Variants in DNAAF9 observed in about 807,000 individuals in gnomAD.
DNAAF9 encodes the protein dynein axonemal assembly factor 9.
Under a neutral mutation model 167.0 loss-of-function variants are expected in DNAAF9, and 90 were observed. That is an observed-to-expected ratio of 0.54 (90% CI 0.45 to 0.64). The LOEUF (loss-of-function observed/expected upper bound fraction) is 0.64. DNAAF9 is among the 30% of genes least tolerant of loss of function. The pLI is 0.00. For synonymous variants in DNAAF9, 491 were observed against 508.8 expected, an observed-to-expected ratio of 0.96 and a Z score of 0.47; for missense variants, 1,315 against 1,442.2, an observed-to-expected ratio of 0.91 and a Z score of 1.43.
chr20:3,299,082 T>C (rs1321600712), intron 21 of DNAAF9, among the ~76,000 whole-genome samples: 1 of 151,282 alleles, frequency 6.6e-6, no homozygotes, highest in African/African-American at 2.4e-5. Flanking sequence ...CTAATGCTTA[T>C]ATTTTCAGTA....
At chr20:3,279,199 G>A (rs2068725570) in intron 28 of DNAAF9, among the ~76,000 whole-genome samples, 1 of 152,118 alleles carries the variant, frequency 6.6e-6, no homozygotes, top group South Asian at 2.1e-4. Flanking sequence ...GGGATACTGG[G>A]GACAGGACCA....
chr20:3,358,853 TGA>T (rs2083323592), intron 7 of DNAAF9, among the ~76,000 whole-genome samples: 1 of 152,208 alleles, frequency 6.6e-6, no homozygotes, highest in African/African-American at 2.4e-5. Flanking sequence ...CTATGGCCAC[TGA>T]GAGACACCAC....
chr20:3,253,333 C>T (rs1012756486), intron 36 of DNAAF9, among the ~76,000 whole-genome samples: 3 of 152,064 alleles, frequency 2.0e-5, no homozygotes, highest in Admixed American at 6.6e-5. Context: ...CCCAGCTACT[C>T]GGGAGGCTGA....
chr20:3,271,472 T>C (rs928775620), intron 29 of DNAAF9, among the ~76,000 whole-genome samples: 4 of 152,138 alleles, frequency 2.6e-5, no homozygotes, highest in Non-Finnish European at 5.9e-5. Context: ...CACAGAGAAT[T>C]TGGAGATCAG....
intron 6 of DNAAF9, among the ~76,000 whole-genome samples, chr20:3,371,382 G>C (rs1320924746): frequency 1.3e-4 from 15 of 114,666 alleles, no homozygotes; most frequent in East Asian, 5.6e-4. Context: ...CTCGCTCTGT[G>C]GCCCAGGCTG....
In DNAAF9 at chr20:3,340,536, T is replaced by A. The variant is rs201560531; in HGVS notation, c.949A>T (p.Thr317Ser). ...TTGGCAAAGCTCCCGCCGGGACCAG[T>A]GCTTCGTACCAGATGTCCTTCAGAA... ...FPSEGHLVRS[T>S]GPGGSFAKHM... Residue 317 changes from threonine to serine, a missense_variant, in exon 10 of 37, where the codon ACT (threonine) becomes TCT (serine). Around this residue, in one of 2 missense-constraint regions of DNAAF9, gnomAD observed 981 missense variants for 1,012.5 expected, o/e 0.97. Coordinates refer to ENST00000252032, the MANE Select transcript of DNAAF9 (RefSeq NM_001009984.3). The A allele has an allele frequency of 6.4e-7, 1 of 1,567,480 alleles. No homozygotes were observed. Among genetic ancestry groups the A allele is most frequent in the African/African-American group, 1.4e-5 (1 of 72,324 alleles).
intron 1 of DNAAF9, among the ~76,000 whole-genome samples, chr20:3,383,428 C>G (rs565194032): frequency 6.6e-6 from 1 of 151,886 alleles, no homozygotes; most frequent in African/African-American, 2.4e-5. Flanking sequence ...GCCACCACGC[C>G]CGGCTAATTT....
chr20:3,301,778 C>T (rs2069193852), intron 21 of DNAAF9, among the ~76,000 whole-genome samples: 1 of 152,066 alleles, frequency 6.6e-6, no homozygotes, highest in Non-Finnish European at 1.5e-5. Flanking sequence ...TGTTAAGTAG[C>T]CTCATGTCCT....
At chr20:3,387,464 A>G (rs1407426040) in intron 1 of DNAAF9, among the ~76,000 whole-genome samples, 1 of 152,180 alleles carries the variant, frequency 6.6e-6, no homozygotes. Context: ...GTTGGACCTC[A>G]CCGTACACCA....
chr20:3,371,072 G>T (rs2083500839), intron 6 of DNAAF9, among the ~76,000 whole-genome samples: 1 of 151,134 alleles, frequency 6.6e-6, no homozygotes, highest in African/African-American at 2.4e-5. Flanking sequence ...TAATCTACTT[G>T]GCCCCTTCCT....
intron 14 of DNAAF9, among the ~76,000 whole-genome samples, chr20:3,324,605 T>C (rs894596554): frequency 2.0e-5 from 3 of 152,222 alleles, no homozygotes; most frequent in African/African-American, 7.2e-5. Flanking sequence ...CAGCTTTGCC[T>C]TTCTAGCCTT....
intron 29 of DNAAF9, among the ~76,000 whole-genome samples, chr20:3,277,888 C>T (rs2068699360): frequency 6.6e-6 from 1 of 152,212 alleles, no homozygotes; most frequent in Non-Finnish European, 1.5e-5. Context: ...AAGACAACAA[C>T]TCTGGTATGC....
chr20:3,292,880 C>T (rs2068987697), intron 25 of DNAAF9, among the ~76,000 whole-genome samples: 2 of 151,748 alleles, frequency 1.3e-5, no homozygotes, highest in Non-Finnish European at 1.5e-5. Flanking sequence ...AGGTCAGGAG[C>T]TTGAGACCAT....
At chr20:3,291,765 G>A (rs1451980316) in intron 25 of DNAAF9, among the ~76,000 whole-genome samples, 3 of 152,098 alleles carry the variant, frequency 2.0e-5, no homozygotes, top group Non-Finnish European at 2.9e-5. Flanking sequence ...CAGAGAAGAC[G>A]GCCGTAAATC....
intron 3 of DNAAF9, 143 bp downstream of exon 3, chr20:3,381,227 AAATGCCGTT>A: frequency 1.8e-6 from 1 of 562,368 alleles, no homozygotes; most frequent in Non-Finnish European, 2.9e-6. Flanking sequence ...AGCAAAGAAA[AAATGCCGTT>A]TTTTTCATTC....
At chr20:3,397,710 G>C (rs1259681713) in intron 1 of DNAAF9, among the ~76,000 whole-genome samples, 1 of 64,168 alleles carries the variant, frequency 1.6e-5, no homozygotes, top group East Asian at 4.5e-4. Context: ...ATTTTAAGCA[G>C]ATTTTTTTTG....
At chr20:3,322,318 T>C in intron 15 of DNAAF9, 56 bp from the exon 16 acceptor site, 2 of 1,342,320 alleles carry the variant, frequency 1.5e-6, no homozygotes, top group African/African-American at 2.9e-5. Context: ...TGTACTTAAA[T>C]TTACAGTGTT....
At chr20:3,304,209 GC>G (rs2069246641) in intron 21 of DNAAF9, among the ~76,000 whole-genome samples, 1 of 152,156 alleles carries the variant, frequency 6.6e-6, no homozygotes, top group Non-Finnish European at 1.5e-5. Flanking sequence ...CTGACCAGAA[GC>G]CCTTTCTAGG....
intron 20 of DNAAF9, among the ~76,000 whole-genome samples, chr20:3,305,225 CATGG>C (rs2122990450): frequency 1.3e-5 from 2 of 152,090 alleles, no homozygotes; most frequent in Non-Finnish European, 2.9e-5. Context: ...GGGAGCAGAC[CATGG>C]AAAAGATGGA....
Sources: allele counts gnomAD v4.1 joint callset (sites outside exome capture counted in the v4.1 genomes callset), GRCh38; gene constraint gnomAD v4.1.1; regional missense constraint gnomAD v4.1.1; transcripts MANE v1.5; gene names NCBI Gene and HGNC (gene_info 2026-07-23, HGNC 2026-07-21).